The following CLMP variants were observed in gnomAD, a reference collection of about 807,000 sequenced individuals.
CLMP encodes CXADR-like membrane protein.
Under a neutral mutation model 45.2 loss-of-function variants are expected in CLMP, and 27 were observed. The ratio of observed to expected loss-of-function variants is 0.60; its 90% confidence interval spans 0.44 to 0.82. The LOEUF (loss-of-function observed/expected upper bound fraction) is 0.82. Among genes scored for constraint, CLMP ranks in the 40% least tolerant of loss-of-function variants. The pLI is 0.00. For synonymous variants in CLMP, 167 were observed against 171.4 expected, an observed-to-expected ratio of 0.97 and a Z score of 0.20; for missense variants, 403 against 448.4, an observed-to-expected ratio of 0.90 and a Z score of 0.91.
At chr11:123,101,001 C>T (rs1229753645) in intron 1 of CLMP, among the ~76,000 whole-genome samples, 3 of 152,140 alleles carry the variant, frequency 2.0e-5, no homozygotes, top group East Asian at 3.9e-4. Context: ...CAAGTGGGCT[C>T]TTACAAGGAG....
Position 123,141,136 on chromosome 11 carries a change from C to A in CLMP, c.29-43184G>T, listed in dbSNP as rs369118715. On this transcript the variant is annotated intron_variant, in intron 1 of 6. Coordinates refer to ENST00000448775, the MANE Select transcript of CLMP (RefSeq NM_024769.5). The stretch of plus-strand genomic sequence containing the variant: ...GCCGGCAGAGCCATGAACCAACAAA[C>A]CTCTTTTCTTTGTACATTATCCAAT... 2.3e-4 allele frequency among the ~76,000 whole-genome samples: 34 copies of A among 146,678 alleles called. No homozygotes were observed. In the East Asian group the frequency reaches 4.5e-3, roughly 20 times the overall value.
chr11:123,177,378 G>A (rs187914271), intron 1 of CLMP, among the ~76,000 whole-genome samples: 1 of 152,160 alleles, frequency 6.6e-6, no homozygotes, highest in Non-Finnish European at 1.5e-5. Context: ...CTTCTTGGAG[G>A]CTCTGGTGGG....
At position 123,073,243 on chromosome 11, in the gene CLMP, C is replaced by G. The variant is rs116626693; in HGVS notation, c.*231G>C. The G allele has an allele frequency of 4.0e-4, 181 of 458,142 alleles. 2 individuals are homozygous for G. Among genetic ancestry groups the G allele is most frequent in the African/African-American group, 3.1e-3 (159 of 50,922 alleles). The allele number at this position is 458,142 out of a possible 1,614,324, so 28.4% of individuals were successfully genotyped here. ...ATTTGGACTCCTGCTTTCCCTTACT[C>G]TGGTCTAAAGGCACAATAAGATGCC... On this transcript the variant is annotated 3_prime_UTR_variant, in exon 7 of 7. Transcript: ENST00000448775.
intron 1 of CLMP, among the ~76,000 whole-genome samples, chr11:123,128,941 C>A (rs981269777): frequency 6.6e-6 from 1 of 152,028 alleles, no homozygotes; most frequent in Non-Finnish European, 1.5e-5. Flanking sequence ...TTAGGGAAGT[C>A]AAAGAAATTG....
At chr11:123,116,156 C>A (rs564675824) in intron 1 of CLMP, among the ~76,000 whole-genome samples, 1 of 151,678 alleles carries the variant, frequency 6.6e-6, no homozygotes, top group African/African-American at 2.4e-5. Flanking sequence ...TCTCTGCTGC[C>A]GTATTCTACT....
At chr11:123,121,126 CAAAAA>C (rs760887619) in intron 1 of CLMP, among the ~76,000 whole-genome samples, 2,752 of 65,340 alleles carry the variant, frequency 0.042, 27 homozygotes, top group South Asian at 0.072. Flanking sequence ...GACTCCGTCT[CAAAAA>C]AAAAAAAAAA....
At chr11:123,142,512 C>T (rs548685392) in intron 1 of CLMP, among the ~76,000 whole-genome samples, 186 of 152,224 alleles carry the variant, frequency 1.2e-3, no homozygotes, top group African/African-American at 4.0e-3. Context: ...CGGCTTTGAC[C>T]TTAGCATCCT....
intron 1 of CLMP, among the ~76,000 whole-genome samples, chr11:123,150,533 AAACAAGC>A (rs753991239): frequency 4.4e-5 from 5 of 114,102 alleles, no homozygotes; most frequent in African/African-American, 1.4e-4. Flanking sequence ...GGAAGGAAAG[AAACAAGC>A]AAGGAAGGAA....
chr11:123,106,437 G>A (rs1331367536), intron 1 of CLMP, among the ~76,000 whole-genome samples: 6 of 97,388 alleles, frequency 6.2e-5, no homozygotes, highest in Admixed American at 1.2e-4. Flanking sequence ...GCGCGCGCGC[G>A]CGCACGTGCC....
At chr11:123,144,123 G>A (rs1037788617) in intron 1 of CLMP, among the ~76,000 whole-genome samples, 1 of 151,170 alleles carries the variant, frequency 6.6e-6, no homozygotes, top group Non-Finnish European at 1.5e-5. Flanking sequence ...AGCCTTGTGA[G>A]ATTCTAAGCA....
At chr11:123,166,893 C>G (rs577918117) in intron 1 of CLMP, among the ~76,000 whole-genome samples, 1 of 152,118 alleles carries the variant, frequency 6.6e-6, no homozygotes, top group East Asian at 1.9e-4. Flanking sequence ...TCATTGCACT[C>G]CATAAATATG....
At position 123,127,506 on chromosome 11, in the gene CLMP, G is replaced by T. The variant is rs566377364; in HGVS notation, c.29-29554C>A. Among the ~76,000 whole-genome samples, 5 of 152,270 alleles carry T rather than the reference G, an allele frequency of 3.3e-5. No individual in the cohort carries two copies. The East Asian group carries it at 9.6e-4, about 29-fold the overall frequency. On this transcript the variant is annotated intron_variant, in intron 1 of 6. Coordinates refer to ENST00000448775, the MANE Select transcript of CLMP (RefSeq NM_024769.5). The stretch of plus-strand genomic sequence containing the variant: ...GAGGGAGGACTAAAAGGGGCAGTTT[G>T]TTCCACATTTAAAAGCCAGAACTAA...
At chr11:123,164,880 A>G (rs1259577333) in intron 1 of CLMP, among the ~76,000 whole-genome samples, 2 of 152,210 alleles carry the variant, frequency 1.3e-5, no homozygotes, top group Non-Finnish European at 2.9e-5. Context: ...TAAAGTTAGG[A>G]AAAGTGACCT....
chr11:123,080,268 C>T (rs542181825), intron 5 of CLMP, among the ~76,000 whole-genome samples: 1 of 151,900 alleles, frequency 6.6e-6, no homozygotes, highest in East Asian at 1.9e-4. Flanking sequence ...GTATTATACT[C>T]ATCAGAAGTG....
At chr11:123,154,660 G>C (rs988371342) in intron 1 of CLMP, among the ~76,000 whole-genome samples, 7 of 152,228 alleles carry the variant, frequency 4.6e-5, no homozygotes, top group African/African-American at 1.7e-4. Flanking sequence ...GGAGGTCCAG[G>C]ATTGAGCCCT....
At chr11:123,153,966 G>A (rs1308349088) in intron 1 of CLMP, among the ~76,000 whole-genome samples, 2 of 151,626 alleles carry the variant, frequency 1.3e-5, no homozygotes, top group African/African-American at 2.4e-5. Flanking sequence ...GATTACAGGC[G>A]TGAGCCACCT....
At chr11:123,149,298 C>T (rs982534321) in intron 1 of CLMP, among the ~76,000 whole-genome samples, 4 of 152,208 alleles carry the variant, frequency 2.6e-5, no homozygotes, top group Non-Finnish European at 5.9e-5. Flanking sequence ...GCCTCCAGAA[C>T]TGTGACAGGA....
chr11:123,148,629 AC>A (rs1369472617), intron 1 of CLMP, among the ~76,000 whole-genome samples: 1 of 152,208 alleles, frequency 6.6e-6, no homozygotes, highest in Non-Finnish European at 1.5e-5. Context: ...TTACCTCCAG[AC>A]TTCAGACCTT....
chr11:123,128,838 G>A (rs1322039994), intron 1 of CLMP, among the ~76,000 whole-genome samples: 2 of 152,106 alleles, frequency 1.3e-5, no homozygotes, highest in Non-Finnish European at 2.9e-5. Flanking sequence ...CACTGGCTAA[G>A]AGCTCTGTGA....
Sources: gnomAD v4.1 joint callset for allele counts (sites outside exome capture counted in the v4.1 genomes callset) on GRCh38, gnomAD v4.1.1 for gene constraint, MANE v1.5 for transcripts, NCBI Gene and HGNC (gene_info 2026-07-23, HGNC 2026-07-21) for gene names.